Variants in MYOF observed in about 807,000 individuals in gnomAD.
MYOF encodes myoferlin, also known as fer-1-like 3, myoferlin.
MYOF carries 244 observed loss-of-function variants against 284.2 expected under a neutral mutation model. That is an observed-to-expected ratio of 0.86 (90% CI 0.77 to 0.95). MYOF has a LOEUF of 0.95. MYOF is among the 40% of genes least tolerant of loss of function. The probability of loss-of-function intolerance (pLI) is 0.00; values close to 1 mark genes in which losing one functional copy is unlikely to be tolerated. For synonymous variants in MYOF, 904 were observed against 919.7 expected (o/e 0.98, Z 0.31); for missense variants, 2,496 against 2,560.6 (o/e 0.97, Z 0.54).
Position 93,387,854 on chromosome 10 carries a change from C to T in MYOF, c.1641G>A (p.Lys547=). The change falls in exon 19 of 54, where the codon AAG becomes AAA. Residue 547 remains lysine (K), a synonymous_variant. Coordinates refer to ENST00000359263, the MANE Select transcript of MYOF (RefSeq NM_013451.4). The stretch of plus-strand genomic sequence containing the variant: ...GCTCAAGCTTTTTATCTGGTGGTGT[C>T]TTCTCAAGAAAAGTGGCTAATTCAA... The part of the protein sequence containing the change: ...ILVELATFLE[K]TPPDKKLEPI... The T allele has an allele frequency of 6.2e-7, 1 of 1,614,134 alleles. No individual in the cohort carries two copies.
intron 3 of MYOF, among the ~76,000 whole-genome samples, chr10:93,440,002 G>A (rs2056194199): frequency 6.6e-6 from 1 of 152,050 alleles, no homozygotes; most frequent in East Asian, 1.9e-4. Flanking sequence ...AATCCTTTTG[G>A]GAAACAATTT....
chr10:93,381,224 A>G lies in MYOF; in HGVS notation c.1871T>C (p.Phe624Ser). The G allele has an allele frequency of 6.2e-7, 1 of 1,614,150 alleles. No individual in the cohort carries two copies. The highest frequency in any genetic ancestry group is 8.5e-7 in the Non-Finnish European group (1 of 1,180,026). ...ASTTQYSRAV[F>S]DGNYYYYLPW... ...ACTGTTAGTGCCAATCTTACCATCA[A>G]ATACAGCACGGCTGTACTGAGTTGT... is the stretch of plus-strand genomic sequence containing the variant. Residue 624 changes from phenylalanine (F) to serine (S), a missense_variant, in exon 20 of 54, where the codon TTT becomes TCT. Transcript: ENST00000359263.
rs753468677 is a variant in MYOF, at chr10:93,389,033, T to C, written c.1578A>G (p.Gly526=). Residue 526 remains glycine, a synonymous_variant, in exon 18 of 54, where the codon GGA becomes GGG. Coordinates refer to ENST00000359263, the MANE Select transcript of MYOF (RefSeq NM_013451.4). ...FPDPYDELNT[G]KGEGVAYRGR... ...CCACCTTAATTGAGAAACCAACCTT[T>C]CCAGTATTCAGCTCATCATAGGGGT... 2.7e-5 allele frequency: 44 copies of C among 1,612,086 alleles called. 1 individual carries two copies. The South Asian group carries it at 4.9e-4, about 18-fold the overall frequency.
intron 5 of MYOF, among the ~76,000 whole-genome samples, chr10:93,410,727 A>T (rs944407477): frequency 6.6e-6 from 1 of 152,252 alleles, no homozygotes; most frequent in African/African-American, 2.4e-5. Flanking sequence ...AATCTAAGAG[A>T]GCCTAGAAGA....
chr10:93,366,795 T>A (rs1412466341), intron 25 of MYOF, among the ~76,000 whole-genome samples: 2 of 152,210 alleles, frequency 1.3e-5, no homozygotes, highest in Non-Finnish European at 2.9e-5. Context: ...ATGCTACCTC[T>A]CCTATAGAGT....
chr10:93,414,907 C>T lies in MYOF; in HGVS notation c.434-5168G>A, dbSNP rs535573421. Among the ~76,000 whole-genome samples, 8 of 152,058 alleles carry T rather than the reference C, an allele frequency of 5.3e-5. No individual in the cohort carries two copies. The South Asian group carries it at 1.7e-3, about 32-fold the overall frequency. ...TACAGGCACCTGCCACCACGCCCTGCTAATTTTTGTATTTTTAGTAGAGAC... is the reference window on the plus strand; with the variant it reads ...TACAGGCACCTGCCACCACGCCCTGTTAATTTTTGTATTTTTAGTAGAGAC... On this transcript the variant is annotated intron_variant, in intron 5 of 53. Coordinates refer to ENST00000359263, the MANE Select transcript of MYOF (RefSeq NM_013451.4).
chr10:93,360,054 T>C, intron 28 of MYOF, 76 bp from the exon 29 acceptor site: 2 of 1,539,966 alleles, frequency 1.3e-6, no homozygotes, highest in Non-Finnish European at 1.8e-6. Flanking sequence ...GAGGAAACAT[T>C]TGTTCACTCT....
Position 93,379,919 on chromosome 10 carries a change from C to T in MYOF, c.1945G>A (p.Asp649Asn). 1 of 1,614,134 alleles carries T rather than the reference C, an allele frequency of 6.2e-7. No homozygotes were observed. The highest frequency in any genetic ancestry group is 1.7e-4 in the Middle Eastern group (1 of 6,060). Residue 649 changes from aspartate to asparagine, a missense_variant, in exon 21 of 54, where the codon GAT becomes AAT. By Grantham distance (23) the Asp-to-Asn change is conservative. Around this residue, in one of 3 missense-constraint regions of MYOF, gnomAD observed 2,436 missense variants for 2,480.7 expected, o/e 0.98. Transcript: ENST00000359263. ...PVVTLTSYWE[D>N]ISHRLDAVNT... ...ACCGCATCCAGGCGATGACTAATATCCTCCCAGTATGAAGTCAGGGTAACA... is the reference window on the plus strand; with the variant it reads ...ACCGCATCCAGGCGATGACTAATATTCTCCCAGTATGAAGTCAGGGTAACA...
chr10:93,366,823 G>A (rs1190081477), intron 25 of MYOF, among the ~76,000 whole-genome samples: 1 of 152,198 alleles, frequency 6.6e-6, no homozygotes, highest in African/African-American at 2.4e-5. Context: ...GAGTTTAAAT[G>A]TGCAAATGAT....
intron 1 of MYOF, among the ~76,000 whole-genome samples, chr10:93,465,538 C>CTTTTCTTTTTTTT (rs1316526970): frequency 1.8e-5 from 2 of 112,162 alleles, no homozygotes; most frequent in African/African-American, 6.7e-5. Flanking sequence ...TTTTTCTTTT[C>CTTTTCTTTTTTTT]TTTTTTTTTT....
chr10:93,328,853 C>T lies in MYOF; in HGVS notation c.5041G>A (p.Ala1681Thr), dbSNP rs773532305. ...LRPTQLLQNV[A>T]RFKGFPQPIL... ...GGTTGTGGGAAGCCTTTGAATCTGG[C>T]GACATTTTGAAGCAGCTGTGTTGGT... Residue 1681 changes from alanine (A) to threonine (T), a missense_variant, in exon 45 of 54, where the codon GCC (alanine) becomes ACC (threonine). By Grantham distance (58) the Ala-to-Thr change is moderately conservative. Around this residue, in one of 3 missense-constraint regions of MYOF, gnomAD observed 2,436 missense variants for 2,480.7 expected, o/e 0.98. Coordinates refer to ENST00000359263, the MANE Select transcript of MYOF (RefSeq NM_013451.4). 113 of 1,613,526 alleles carry T rather than the reference C, an allele frequency of 7.0e-5. No individual in the cohort carries two copies. Among genetic ancestry groups the T allele is most frequent in the African/African-American group, 1.2e-4 (9 of 74,902 alleles).
intron 3 of MYOF, among the ~76,000 whole-genome samples, chr10:93,451,161 G>A (rs559620382): frequency 3.9e-5 from 6 of 152,230 alleles, no homozygotes; most frequent in East Asian, 1.9e-4. Context: ...CCAACATGGT[G>A]AAACCCTGTC....
intron 1 of MYOF, among the ~76,000 whole-genome samples, chr10:93,465,533 C>CTTTTTTTTT (rs753278804): frequency 1.9e-5 from 1 of 53,222 alleles, no homozygotes; most frequent in African/African-American, 5.3e-5. Flanking sequence ...TCTTTTTTTT[C>CTTTTTTTTT]TTTTCTTTTT....
At position 93,409,669 on chromosome 10, in the gene MYOF, C is replaced by T. The variant is rs1468162409; in HGVS notation, c.504G>A (p.Gly168=). Residue 168 remains glycine (G), a synonymous_variant, in exon 6 of 54, where the codon GGG becomes GGA. Transcript: ENST00000359263. The stretch of plus-strand genomic sequence containing the variant: ...GAGCTTCCGACACCGTCCCAACTGG[C>T]CCCTTGGGCCCAGGGCCCCTGACTG... The part of the protein sequence containing the change: ...DNAVRGPGPK[G]PVGTVSEAQL... 1 of 1,614,242 alleles carries T rather than the reference C, an allele frequency of 6.2e-7. No individual in the cohort carries two copies. The highest frequency in any genetic ancestry group is 1.1e-5 in the South Asian group (1 of 91,088).
Position 93,349,802 on chromosome 10 carries a change from C to G in MYOF, c.4083+6G>C, listed in dbSNP as rs762298307. 6.2e-7 allele frequency: 1 copy of G among 1,613,918 alleles called. No individual in the cohort carries two copies. Among genetic ancestry groups the G allele is most frequent in the South Asian group, 1.1e-5 (1 of 91,054 alleles). On this transcript the variant is annotated splice_donor_region_variant and intron_variant, in intron 36 of 53. Coordinates refer to ENST00000359263, the MANE Select transcript of MYOF (RefSeq NM_013451.4). ...CATGGGTGATCACAGAGAATCGATA[C>G]TGTACCACTTTCATGAAGAGAACAG... is the stretch of plus-strand genomic sequence containing the variant.
At chr10:93,406,147 C>CG (rs1847559257) in intron 7 of MYOF, among the ~76,000 whole-genome samples, 1 of 150,264 alleles carries the variant, frequency 6.7e-6, no homozygotes, top group African/African-American at 2.4e-5. Flanking sequence ...TTAGTAGAGA[C>CG]GGGGTTTCAC....
At chr10:93,427,415 C>T (rs1238868075) in intron 4 of MYOF, among the ~76,000 whole-genome samples, 1 of 151,268 alleles carries the variant, frequency 6.6e-6, no homozygotes, top group East Asian at 2.0e-4. Flanking sequence ...CCTGTAATCC[C>T]AGCTGCTCAG....
At chr10:93,479,075 A>C (rs527416739) in intron 1 of MYOF, among the ~76,000 whole-genome samples, 1 of 151,266 alleles carries the variant, frequency 6.6e-6, no homozygotes, top group South Asian at 2.1e-4. Flanking sequence ...AAGAGGCAAA[A>C]TGTTTACATA....
chr10:93,317,352 A>G (rs939862758), intron 49 of MYOF, among the ~76,000 whole-genome samples: 7 of 151,758 alleles, frequency 4.6e-5, no homozygotes, highest in African/African-American at 1.7e-4. Context: ...GAAAAATACC[A>G]TTGGGCTGGG....
Sources: gnomAD v4.1 joint callset for allele counts (sites outside exome capture counted in the v4.1 genomes callset) on GRCh38, gnomAD v4.1.1 for gene constraint, gnomAD v4.1.1 regional missense constraint, MANE v1.5 for transcripts, NCBI Gene and HGNC (gene_info 2026-07-23, HGNC 2026-07-21) for gene names.